PTPRD: variants seen among roughly 807,000 people sequenced by gnomAD.
PTPRD encodes receptor-type tyrosine-protein phosphatase delta.
A neutral mutation model predicts 214.5 loss-of-function variants in PTPRD; 34 were observed. That is an observed-to-expected ratio of 0.16 (90% confidence interval 0.12 to 0.21). The LOEUF is 0.21. Among genes scored for constraint, PTPRD ranks in the 10% least tolerant of loss-of-function variants. The pLI is 1.00. For synonymous variants in PTPRD, 1,128 were observed against 845.7 expected (o/e 1.33, Z -5.79); for missense variants, 2,545 against 2,398.7 (o/e 1.06, Z -1.27).
chr9:9,791,858 G>A (rs1181029258), intron 5 of PTPRD, among the ~76,000 whole-genome samples: 1 of 151,960 alleles, frequency 6.6e-6, no homozygotes, highest in Non-Finnish European at 1.5e-5. Flanking sequence ...GCCATCTTCT[G>A]GTTATCTTGT....
intron 12 of PTPRD, among the ~76,000 whole-genome samples, chr9:8,655,339 G>A (rs116353122): frequency 1.6e-3 from 245 of 152,272 alleles, no homozygotes; most frequent in African/African-American, 5.5e-3. Flanking sequence ...TAGTTTGATC[G>A]CAGAAAGGCT....
At chr9:10,358,496 T>A (rs1467179303) in intron 2 of PTPRD, among the ~76,000 whole-genome samples, 1 of 151,980 alleles carries the variant, frequency 6.6e-6, no homozygotes, top group Non-Finnish European at 1.5e-5. Context: ...TTTGGCACCC[T>A]AGTATTTATG....
At position 9,954,211 on chromosome 9, in the gene PTPRD, G is replaced by A. The variant is rs138942688; in HGVS notation, c.-471-15601C>T. On this transcript the variant is annotated intron_variant, in intron 4 of 45. Coordinates refer to ENST00000381196, the MANE Select transcript of PTPRD (RefSeq NM_002839.4). ...CTTGGGAGGCTGAGGGATGAGAATC[G>A]CTTGAACCTGGGAGGAGGCTACAGT... 9.4e-3 allele frequency among the ~76,000 whole-genome samples: 1,349 copies of A among 143,654 alleles called. 10 individuals are homozygous for A. The highest frequency in any genetic ancestry group is 0.016 in the South Asian group (74 of 4,564). 94.2% of individuals were successfully genotyped at this position (143,654 alleles called of 152,430 possible).
At chr9:8,813,715 T>TA (rs1002452468) in intron 11 of PTPRD, among the ~76,000 whole-genome samples, 43 of 152,264 alleles carry the variant, frequency 2.8e-4, no homozygotes, top group African/African-American at 9.6e-4. Flanking sequence ...TCGCTTCTCT[T>TA]AAAAAAGGGC....
intron 8 of PTPRD, among the ~76,000 whole-genome samples, chr9:9,453,059 T>C (rs1035588411): frequency 6.6e-6 from 1 of 150,598 alleles, no homozygotes; most frequent in Non-Finnish European, 1.5e-5. Context: ...GGAAATTTAA[T>C]ATCCATAAGA....
intron 11 of PTPRD, among the ~76,000 whole-genome samples, chr9:8,878,686 C>G (rs2098416533): frequency 6.6e-6 from 1 of 152,096 alleles, no homozygotes; most frequent in Non-Finnish European, 1.5e-5. Context: ...TGCTACCATG[C>G]CCAGATAACT....
intron 3 of PTPRD, among the ~76,000 whole-genome samples, chr9:10,257,002 T>C (rs1443493701): frequency 6.6e-6 from 1 of 152,178 alleles, no homozygotes. Context: ...TTTCAGGCCA[T>C]GGAGCACATA....
chr9:8,997,960 A>C (rs1029025347), intron 11 of PTPRD, among the ~76,000 whole-genome samples: 2 of 152,042 alleles, frequency 1.3e-5, no homozygotes, highest in Admixed American at 1.3e-4. Context: ...CACAGCCCTA[A>C]CTCTCTTTAA....
intron 10 of PTPRD, among the ~76,000 whole-genome samples, chr9:9,165,533 T>C (rs1425187249): frequency 2.6e-5 from 4 of 152,192 alleles, no homozygotes; most frequent in Non-Finnish European, 4.4e-5. Flanking sequence ...AACTATATTA[T>C]AGTAAGATTG....
intron 2 of PTPRD, among the ~76,000 whole-genome samples, chr9:10,432,735 G>C (rs184267060): frequency 6.6e-6 from 1 of 152,056 alleles, no homozygotes; most frequent in Non-Finnish European, 1.5e-5. Context: ...TGCTATATGA[G>C]GTTCTTCTGA....
At chr9:9,544,059 G>A (rs980179864) in intron 8 of PTPRD, among the ~76,000 whole-genome samples, 3 of 151,486 alleles carry the variant, frequency 2.0e-5, no homozygotes, top group Admixed American at 6.6e-5. Flanking sequence ...ATGCATCTAA[G>A]CTATTGCCCA....
intron 8 of PTPRD, among the ~76,000 whole-genome samples, chr9:9,487,406 C>T (rs1307426877): frequency 1.3e-5 from 2 of 152,100 alleles, no homozygotes; most frequent in Non-Finnish European, 2.9e-5. Flanking sequence ...TTTTTTATGG[C>T]TGCATAGTAT....
intron 11 of PTPRD, among the ~76,000 whole-genome samples, chr9:8,824,027 T>C (rs1023131227): frequency 2.0e-5 from 3 of 152,176 alleles, no homozygotes; most frequent in African/African-American, 7.2e-5. Context: ...GTCATGGTGC[T>C]GGTGGGAGTG....
intron 8 of PTPRD, among the ~76,000 whole-genome samples, chr9:9,432,374 A>G (rs2083540684): frequency 6.6e-6 from 1 of 152,182 alleles, no homozygotes. Flanking sequence ...ATGCTTAGTT[A>G]ATATGGTGAG....
intron 2 of PTPRD, among the ~76,000 whole-genome samples, chr9:10,452,560 C>T (rs2098848684): frequency 6.6e-6 from 1 of 151,668 alleles, no homozygotes; most frequent in Non-Finnish European, 1.5e-5. Flanking sequence ...TATGCATTTT[C>T]CTGATTAGTG....
chr9:9,068,606 T>C (rs78634865), intron 10 of PTPRD, among the ~76,000 whole-genome samples: 3 of 151,944 alleles, frequency 2.0e-5, no homozygotes, highest in Non-Finnish European at 4.4e-5. Context: ...AACTGATGTT[T>C]TACAAAAAAT....
intron 11 of PTPRD, among the ~76,000 whole-genome samples, chr9:8,986,773 G>C (rs923789171): frequency 2.0e-5 from 3 of 152,014 alleles, no homozygotes; most frequent in African/African-American, 7.2e-5. Flanking sequence ...AAATGTTTTT[G>C]CATGCTAATA....
chr9:9,591,719 C>T (rs989347410), intron 7 of PTPRD, among the ~76,000 whole-genome samples: 1 of 152,024 alleles, frequency 6.6e-6, no homozygotes, highest in Non-Finnish European at 1.5e-5. Flanking sequence ...TTGTGTGGTA[C>T]AGTGGGATGT....
chr9:9,244,385 T>A (rs190166663), intron 9 of PTPRD, among the ~76,000 whole-genome samples: 339 of 152,210 alleles, frequency 2.2e-3, no homozygotes, highest in African/African-American at 7.6e-3. Context: ...GACTTCAAAC[T>A]ATGCTACAAG....
Sources: allele counts gnomAD v4.1 joint callset (sites outside exome capture counted in the v4.1 genomes callset), GRCh38; gene constraint gnomAD v4.1.1; transcripts MANE v1.5; gene names NCBI Gene and HGNC (gene_info 2026-07-23, HGNC 2026-07-21).